KIAA1549L: variants seen among roughly 807,000 people sequenced by gnomAD.
The protein encoded by KIAA1549L is KIAA1549 like.
Under a neutral mutation model 160.7 loss-of-function variants are expected in KIAA1549L, and 88 were observed. The ratio of observed to expected loss-of-function variants is 0.55; its 90% CI spans 0.46 to 0.65. The LOEUF is 0.65. KIAA1549L is among the 30% of genes least tolerant of loss of function. KIAA1549L has a pLI of 0.00. For synonymous variants in KIAA1549L, 950 were observed against 976.7 expected (o/e 0.97, Z 0.51); for missense variants, 2,258 against 2,437.5 (o/e 0.93, Z 1.55).
In KIAA1549L at chr11:33,667,788, C is replaced by T; in HGVS notation, c.6160-85C>T. ...TTCTCTTCCATGTCCTCAGCCCCCT[C>T]CTGCTTCCAGTGTCAAGTGTGTCCT... On this transcript the variant is annotated intron_variant, in intron 20 of 20. Coordinates refer to ENST00000658780, the MANE Select transcript of KIAA1549L (RefSeq NM_012194.3). 3 of 1,217,044 alleles carry T rather than the reference C, an allele frequency of 2.5e-6. No homozygotes were observed. The South Asian group carries it at 4.4e-5, about 18-fold the overall frequency. 75.4% of individuals were successfully genotyped at this position (1,217,044 alleles called of 1,614,324 possible). A position where few individuals can be genotyped will look rare whatever the true frequency, so the allele number is the denominator to read the frequency against.
At chr11:33,471,219 T>C (rs1224295985) in intron 1 of KIAA1549L, among the ~76,000 whole-genome samples, 6 of 103,650 alleles carry the variant, frequency 5.8e-5, no homozygotes, top group African/African-American at 1.6e-4. Flanking sequence ...TCTCAGAACC[T>C]TTTTTTTTTT....
intron 16 of KIAA1549L, among the ~76,000 whole-genome samples, chr11:33,643,052 A>G (rs1777536133): frequency 6.6e-6 from 1 of 152,156 alleles, no homozygotes; most frequent in Non-Finnish European, 1.5e-5. Context: ...TCTTGTTTCT[A>G]TCTGTAGCTA....
chr11:33,378,616 C>G (rs916795015), intron 1 of KIAA1549L, among the ~76,000 whole-genome samples: 1 of 152,200 alleles, frequency 6.6e-6, no homozygotes, highest in African/African-American at 2.4e-5. Context: ...CCGTCTTTCT[C>G]CATCTCATCC....
chr11:33,481,393 C>T lies in KIAA1549L; in HGVS notation c.239-60409C>T, dbSNP rs76865254. 7.0e-3 allele frequency among the ~76,000 whole-genome samples: 1,070 copies of T among 152,222 alleles called. 15 individuals carry two copies. Among genetic ancestry groups the T allele is most frequent in the African/African-American group, 0.025 (1,032 of 41,532 alleles). ...TGTAGAAGTTTGTTCTATAGGTAAA[C>T]TGGAAATTTTTCACTTTTAATACAA... On this transcript the variant is annotated intron_variant, in intron 1 of 20. Coordinates refer to ENST00000658780, the MANE Select transcript of KIAA1549L (RefSeq NM_012194.3).
chr11:33,622,665 A>G (rs1374444567), intron 16 of KIAA1549L, among the ~76,000 whole-genome samples: 3 of 152,328 alleles, frequency 2.0e-5, no homozygotes, highest in Non-Finnish European at 2.9e-5. Flanking sequence ...GAAATTAGCC[A>G]TTTAGCCTCA....
At chr11:33,522,471 A>G (rs1853518836) in intron 1 of KIAA1549L, among the ~76,000 whole-genome samples, 2 of 152,236 alleles carry the variant, frequency 1.3e-5, no homozygotes, top group South Asian at 4.1e-4. Context: ...TAAGAAGAAC[A>G]TCAGTACCCA....
At chr11:33,524,522 T>C (rs939418357) in intron 1 of KIAA1549L, among the ~76,000 whole-genome samples, 1 of 133,686 alleles carries the variant, frequency 7.5e-6, no homozygotes, top group African/African-American at 2.9e-5. Flanking sequence ...AATTTACTAT[T>C]TCTAATTTTT....
Position 33,376,911 on chromosome 11 carries a change from G to T in KIAA1549L, c.238+22G>T, listed in dbSNP as rs909054757. The T allele has an allele frequency of 1.3e-5, 2 of 152,390 alleles. No homozygotes were observed. Among genetic ancestry groups the T allele is most frequent in the African/African-American group, 4.8e-5 (2 of 41,454 alleles). The allele number at this position is 152,390 out of a possible 1,614,324, so 9.4% of individuals were successfully genotyped here. ...CCGGGTAAGCGCTCGGCGGCGGGGC[G>T]TCCGCGGAGGTTTCTGGAGGAGCGG... is the stretch of plus-strand genomic sequence containing the variant. On this transcript the variant is annotated intron_variant, in intron 1 of 20. Transcript: ENST00000658780. This position sits in a 1 kb window ranked among gnomAD's most constrained non-coding sequence, Gnocchi z 5.8.
At chr11:33,435,818 G>GTGTGTATATATATA (rs1554976830) in intron 1 of KIAA1549L, among the ~76,000 whole-genome samples, 1 of 45,324 alleles carries the variant, frequency 2.2e-5, no homozygotes, top group Non-Finnish European at 4.3e-5. Context: ...ATATGTGTGT[G>GTGTGTATATATATA]TATATATATA....
At chr11:33,430,040 T>TCCC (rs749599168) in intron 1 of KIAA1549L, among the ~76,000 whole-genome samples, 6,120 of 145,902 alleles carry the variant, frequency 0.042, 220 homozygotes, top group East Asian at 0.14. Flanking sequence ...CCTTCCTTCC[T>TCCC]TCCTTCCTCC....
At chr11:33,428,856 G>C (rs188654112) in intron 1 of KIAA1549L, among the ~76,000 whole-genome samples, 1 of 152,320 alleles carries the variant, frequency 6.6e-6, no homozygotes, top group African/African-American at 2.4e-5. Context: ...TCTAGTTCTA[G>C]ATCCTTGAGG....
At chr11:33,437,630 C>A (rs771129706) in intron 1 of KIAA1549L, among the ~76,000 whole-genome samples, 11 of 152,218 alleles carry the variant, frequency 7.2e-5, no homozygotes, top group Non-Finnish European at 1.2e-4. Flanking sequence ...ATGTATATAG[C>A]AAGCCCTTGA....
chr11:33,403,358 CACAG>C (rs1430957160), intron 1 of KIAA1549L: 3 of 151,510 alleles, frequency 2.0e-5, no homozygotes, highest in Non-Finnish European at 4.4e-5. Context: ...GACAGACACA[CACAG>C]ACACATGCAG....
intron 1 of KIAA1549L, among the ~76,000 whole-genome samples, chr11:33,431,828 G>A (rs1289773262): frequency 6.6e-6 from 1 of 152,264 alleles, no homozygotes; most frequent in Non-Finnish European, 1.5e-5. Flanking sequence ...GGGCTGCACA[G>A]GAACCCAGGG....
intron 15 of KIAA1549L, among the ~76,000 whole-genome samples, chr11:33,617,578 T>C (rs548389853): frequency 1.0e-3 from 156 of 152,352 alleles, no homozygotes; most frequent in African/African-American, 3.5e-3. Context: ...CTGATCATCC[T>C]ATCTAAAGTT....
At chr11:33,658,526 T>G (rs978367237) in intron 18 of KIAA1549L, among the ~76,000 whole-genome samples, 1 of 152,134 alleles carries the variant, frequency 6.6e-6, no homozygotes, top group Non-Finnish European at 1.5e-5. Context: ...CTAAAAATGA[T>G]TTCAGCTGAG....
chr11:33,510,071 G>A (rs963963596), intron 1 of KIAA1549L, among the ~76,000 whole-genome samples: 1 of 152,144 alleles, frequency 6.6e-6, no homozygotes, highest in South Asian at 2.1e-4. Flanking sequence ...AAGCTGCCAA[G>A]GGAGCCTTCA....
At chr11:33,653,992 A>T (rs1248727872) in intron 17 of KIAA1549L, among the ~76,000 whole-genome samples, 2 of 149,128 alleles carry the variant, frequency 1.3e-5, no homozygotes, top group African/African-American at 2.5e-5. Flanking sequence ...TATTATTTTT[A>T]GACGGAGTCT....
rs183074700 is a variant in KIAA1549L at position 33,568,772 on chromosome 11, C to A, written c.4230+545C>A. Among the ~76,000 whole-genome samples, 35 of 152,344 alleles carry A rather than the reference C, an allele frequency of 2.3e-4. No individual in the cohort carries two copies. The Middle Eastern group carries it at 0.017, about 74-fold the overall frequency. On this transcript the variant is annotated intron_variant, in intron 9 of 20. Coordinates refer to ENST00000658780, the MANE Select transcript of KIAA1549L (RefSeq NM_012194.3). ...GCAGACACTAGCTGTATCCAGCCCA[C>A]ATCCCCTTACCATTTTTGTGCATTC...
Sources: allele counts gnomAD v4.1 joint callset (sites outside exome capture counted in the v4.1 genomes callset), GRCh38; gene constraint gnomAD v4.1.1; non-coding constraint Gnocchi (gnomAD v3.1); transcripts MANE v1.5; gene names NCBI Gene and HGNC (gene_info 2026-07-23, HGNC 2026-07-21).